The following SNTG1 variants were observed in gnomAD, a reference collection of about 807,000 sequenced individuals.
SNTG1 encodes syntrophin gamma 1, also known as gamma-1-syntrophin.
A neutral mutation model predicts 74.7 loss-of-function variants in SNTG1; 39 were observed. The ratio of observed to expected loss-of-function variants is 0.52; its 90% CI spans 0.40 to 0.68. The LOEUF is 0.68. SNTG1 is among the 30% of genes least tolerant of loss of function. The pLI, the probability that SNTG1 is intolerant of heterozygous loss-of-function variation, is 0.00. For missense variants in SNTG1, 685 were observed against 609.5 expected, an observed-to-expected ratio of 1.12 and a Z score of -1.30; for synonymous variants, 254 against 217.1, an observed-to-expected ratio of 1.17 and a Z score of -1.49.
rs966123268 is a variant in SNTG1, at chr8:50,647,497, C to A, written c.850-9412C>A. On this transcript the variant is annotated intron_variant, in intron 13 of 18. Coordinates refer to ENST00000642720, the MANE Select transcript of SNTG1 (RefSeq NM_018967.5). ...ACACATACACACACAAATGGCAAAT[C>A]AGTTTCATTCTGTTGGGGTATTTTG... Among the ~76,000 whole-genome samples the A allele has an allele frequency of 6.6e-5, 10 of 151,730 alleles. No homozygotes were observed. In the South Asian group the frequency reaches 2.1e-3, roughly 32 times the overall value.
chr8:50,702,092 T>A (rs2095428155), intron 15 of SNTG1, among the ~76,000 whole-genome samples: 1 of 152,048 alleles, frequency 6.6e-6, no homozygotes, highest in Non-Finnish European at 1.5e-5. Flanking sequence ...CCTCAAGTGA[T>A]CTGCCCACCT....
chr8:50,320,941 A>C (rs766603405), intron 2 of SNTG1, among the ~76,000 whole-genome samples: 1 of 152,126 alleles, frequency 6.6e-6, no homozygotes, highest in African/African-American at 2.4e-5. Flanking sequence ...TATGTGATCT[A>C]TCTTTAAGAA....
chr8:50,302,641 T>C (rs2130680653), intron 2 of SNTG1, among the ~76,000 whole-genome samples: 1 of 152,306 alleles, frequency 6.6e-6, no homozygotes, highest in East Asian at 1.9e-4. Flanking sequence ...GGGAGTATGT[T>C]ACATATCTTG....
intron 2 of SNTG1, among the ~76,000 whole-genome samples, chr8:50,319,221 G>A (rs1397459371): frequency 6.6e-6 from 1 of 151,996 alleles, no homozygotes; most frequent in Non-Finnish European, 1.5e-5. Flanking sequence ...AAAATTAGCT[G>A]GACATGGTGG....
chr8:50,245,351 G>A (rs2086348789), intron 2 of SNTG1, among the ~76,000 whole-genome samples: 1 of 152,092 alleles, frequency 6.6e-6, no homozygotes, highest in South Asian at 2.1e-4. Context: ...TAAATAAGTA[G>A]CAGCATGGTA....
chr8:49,973,524 A>G lies in SNTG1; in HGVS notation c.-103+61293A>G, dbSNP rs563713619. Among the ~76,000 whole-genome samples, 13 of 152,286 alleles carry G rather than the reference A, an allele frequency of 8.5e-5. No homozygotes were observed. In the East Asian group the frequency reaches 1.5e-3, roughly 18 times the overall value. On this transcript the variant is annotated intron_variant, in intron 1 of 18. Transcript: ENST00000642720. ...AAGTTAAAGCATAATAATAAAAAAA[A>G]AAAAAGAAAAGAGTCTGGCTGAGGT...
chr8:50,501,020 T>C (rs1053237136), intron 8 of SNTG1, among the ~76,000 whole-genome samples: 1 of 152,130 alleles, frequency 6.6e-6, no homozygotes, highest in Non-Finnish European at 1.5e-5. Flanking sequence ...GAGGTACCCC[T>C]GCCAATGATC....
At chr8:50,595,020 A>ATGTGTG (rs57799690) in intron 13 of SNTG1, among the ~76,000 whole-genome samples, 252 of 147,836 alleles carry the variant, frequency 1.7e-3, no homozygotes, top group Middle Eastern at 7.0e-3. Context: ...TTTATTGAAG[A>ATGTGTG]TGTGTGTGTG....
At position 50,188,362 on chromosome 8, in the gene SNTG1, C is replaced by T. The variant is rs148905611; in HGVS notation, c.-28+15727C>T. On this transcript the variant is annotated intron_variant, in intron 2 of 18. Coordinates refer to ENST00000642720, the MANE Select transcript of SNTG1 (RefSeq NM_018967.5). Reference sequence around the variant, plus strand: ...ATGAACAACCAGGTGCACTCATCCACGTTCTGCCCACTGGGAGGATTTTCC... The same window carrying T: ...ATGAACAACCAGGTGCACTCATCCATGTTCTGCCCACTGGGAGGATTTTCC... 1.5e-3 allele frequency among the ~76,000 whole-genome samples: 224 copies of T among 152,236 alleles called. 1 individual carries two copies. Among genetic ancestry groups the T allele is most frequent in the African/African-American group, 4.9e-3 (203 of 41,548 alleles).
intron 1 of SNTG1, among the ~76,000 whole-genome samples, chr8:50,162,001 G>A (rs2082432503): frequency 6.6e-6 from 1 of 152,182 alleles, no homozygotes; most frequent in African/African-American, 2.4e-5. Flanking sequence ...TTTAGGGAAG[G>A]AGAAAGAGAA....
intron 1 of SNTG1, among the ~76,000 whole-genome samples, chr8:49,988,672 C>T (rs1275408319): frequency 6.6e-6 from 1 of 151,784 alleles, no homozygotes; most frequent in African/African-American, 2.4e-5. Context: ...TAGAGAATAA[C>T]CAATGTATGA....
intron 15 of SNTG1, among the ~76,000 whole-genome samples, chr8:50,668,348 G>T (rs927110883): frequency 6.6e-6 from 1 of 150,854 alleles, no homozygotes; most frequent in African/African-American, 2.4e-5. Context: ...TTCAAAATTT[G>T]TTTCATTGAC....
intron 1 of SNTG1, among the ~76,000 whole-genome samples, chr8:50,161,147 A>C (rs1186950364): frequency 6.6e-6 from 1 of 152,248 alleles, no homozygotes; most frequent in Non-Finnish European, 1.5e-5. Flanking sequence ...GAAAGAACTT[A>C]TTGTTGAAGA....
At chr8:50,553,202 C>G in intron 12 of SNTG1, 23 bp downstream of exon 12, 1 of 1,613,056 alleles carries the variant, frequency 6.2e-7, no homozygotes. Context: ...TCAAGGAATA[C>G]CTAGCCAGGG....
chr8:50,582,545 T>G (rs779464136), intron 12 of SNTG1, among the ~76,000 whole-genome samples: 2 of 151,418 alleles, frequency 1.3e-5, no homozygotes, highest in Admixed American at 6.6e-5. Context: ...GGTGTGTGGG[T>G]GTGTGTGTGT....
At chr8:50,628,981 A>G (rs1408941887) in intron 13 of SNTG1, among the ~76,000 whole-genome samples, 1 of 152,152 alleles carries the variant, frequency 6.6e-6, no homozygotes, top group African/African-American at 2.4e-5. Context: ...ACAGAAAGAC[A>G]AGTACTACAT....
At position 50,520,138 on chromosome 8, in the gene SNTG1, A is replaced by G. The variant is rs551163494; in HGVS notation, c.467-10039A>G. On this transcript the variant is annotated intron_variant, in intron 9 of 18. Transcript: ENST00000642720. ...ACTGAGGCCTTAGAAATAATGCCAT[A>G]CATCTACAACCATCTGGTCTTTGAC... 2.6e-5 allele frequency among the ~76,000 whole-genome samples: 4 copies of G among 152,340 alleles called. No homozygotes were observed. The East Asian group carries it at 7.7e-4, about 29-fold the overall frequency.
At chr8:50,525,173 T>C (rs762570673) in intron 9 of SNTG1, among the ~76,000 whole-genome samples, 2 of 152,266 alleles carry the variant, frequency 1.3e-5, no homozygotes, top group African/African-American at 2.4e-5. Flanking sequence ...TGATTTTATT[T>C]TTCTTTCAGC....
At chr8:50,030,245 C>A (rs188849465) in intron 1 of SNTG1, among the ~76,000 whole-genome samples, 5 of 152,036 alleles carry the variant, frequency 3.3e-5, no homozygotes, top group African/African-American at 9.6e-5. Flanking sequence ...ATATATTCTA[C>A]TAGTCTCTTG....
Sources: gnomAD v4.1 joint callset for allele counts (sites outside exome capture counted in the v4.1 genomes callset) on GRCh38, gnomAD v4.1.1 for gene constraint, MANE v1.5 for transcripts, NCBI Gene and HGNC (gene_info 2026-07-23, HGNC 2026-07-21) for gene names.